The following LIMCH1 variants were observed in gnomAD, a reference collection of about 807,000 sequenced individuals.
LIMCH1 encodes the protein LIM and calponin homology domains-containing protein 1.
Under a neutral mutation model 176.5 loss-of-function variants are expected in LIMCH1, and 113 were observed. The ratio of observed to expected loss-of-function variants is 0.64; its 90% CI spans 0.55 to 0.75. The LOEUF is 0.75. Ranked by LOEUF, LIMCH1 falls within the 30% of genes least tolerant of loss-of-function variation. The pLI is 0.00. For missense variants in LIMCH1, 1,674 were observed against 1,814.9 expected (o/e 0.92, Z 1.41); for synonymous variants, 619 against 645.9 (o/e 0.96, Z 0.63).
rs1459472682 is a variant in LIMCH1 at position 41,699,861 on chromosome 4, G to A, written c.*2676G>A. The A allele has an allele frequency of 6.6e-6, 1 of 152,074 alleles. No homozygotes were observed. Among genetic ancestry groups the A allele is most frequent in the East Asian group, 1.9e-4 (1 of 5,204 alleles). The allele number at this position is 152,074 out of a possible 1,614,324, so 9.4% of individuals were successfully genotyped here. On this transcript the variant is annotated 3_prime_UTR_variant, in exon 32 of 32. Transcript: ENST00000503057. Reference sequence around the variant, plus strand: ...CTGAAATGATCCACCTCATATGTGAGTCCGTCCAAAAGATGTTACTGCTCT... The same window carrying A: ...CTGAAATGATCCACCTCATATGTGAATCCGTCCAAAAGATGTTACTGCTCT...
rs561013343 is a variant in LIMCH1, at chr4:41,372,415, G to C, written c.96+11479G>C. The stretch of plus-strand genomic sequence containing the variant: ...TAGGATACAAGGTTTTTGGCTGGCT[G>C]TCTTAGTTTGGGACATTATTCATAC... On this transcript the variant is annotated intron_variant, in intron 1 of 26. Transcript: ENST00000313860. 1.2e-4 allele frequency among the ~76,000 whole-genome samples: 18 copies of C among 152,238 alleles called. No individual in the cohort carries two copies. In the South Asian group the frequency reaches 3.5e-3, roughly 30 times the overall value.
upstream of LIMCH1, among the ~76,000 whole-genome samples, chr4:41,360,389 C>G (rs977852264): frequency 6.6e-6 from 1 of 152,014 alleles, no homozygotes; most frequent in East Asian, 1.9e-4. The surrounding 1 kb of genome is among the most constrained non-coding windows in gnomAD (Gnocchi z 4.5). Flanking sequence ...GCGCGCGTCT[C>G]CCATATGATG....
chr4:41,594,164 T>G (rs1369110612), intron 1 of LIMCH1, among the ~76,000 whole-genome samples: 2 of 152,258 alleles, frequency 1.3e-5, no homozygotes, highest in East Asian at 3.8e-4. Context: ...TAAATTAGAC[T>G]ATTACACCCT....
intron 1 of LIMCH1, among the ~76,000 whole-genome samples, chr4:41,440,472 A>G (rs1313184371): frequency 6.6e-6 from 1 of 152,164 alleles, no homozygotes; most frequent in African/African-American, 2.4e-5. Flanking sequence ...GGCCTGAGAT[A>G]TTATAATAAG....
In LIMCH1 at chr4:41,633,570, T is replaced by C. The variant is rs2093435724; in HGVS notation, c.1852T>C (p.Cys618Arg). 2 of 1,535,808 alleles carry C rather than the reference T, an allele frequency of 1.3e-6. No homozygotes were observed. Among genetic ancestry groups the C allele is most frequent in the South Asian group, 2.4e-5 (2 of 84,044 alleles). ...QPLVCPLASECEASGTEEKLE... is the reference protein window; with the variant it reads ...QPLVCPLASEREASGTEEKLE... ...TAGGGTGTGTCCTCTGGCCTCTGAG[T>C]GTGAGGCTTCAGGGACAGAAGAGAA... Residue 618 changes from cysteine (C) to arginine (R), a missense_variant, in exon 13 of 32, where the codon TGT becomes CGT. Physicochemically the swap from Cys to Arg is radical, Grantham distance 180 (BLOSUM62 -3). Transcript: ENST00000503057.
chr4:41,564,266 G>A (rs2082427779), intron 1 of LIMCH1, among the ~76,000 whole-genome samples: 1 of 152,124 alleles, frequency 6.6e-6, no homozygotes, highest in Non-Finnish European at 1.5e-5. Context: ...AATTCAGATA[G>A]CTAAATCCAG....
intron 1 of LIMCH1, among the ~76,000 whole-genome samples, chr4:41,542,346 TTC>T (rs1413695845): frequency 4.2e-5 from 6 of 144,068 alleles, no homozygotes; most frequent in African/African-American, 1.7e-4. Flanking sequence ...ACATGTGTTT[TTC>T]TCTCTTTCTT....
intron 1 of LIMCH1, among the ~76,000 whole-genome samples, chr4:41,595,634 G>C (rs1113837): frequency 0.4 from 60,443 of 152,084 alleles, 17,972 homozygotes; most frequent in African/African-American, 0.84. Flanking sequence ...AGAGTGTAAG[G>C]TATAAATGTT....
Position 41,630,636 on chromosome 4 carries a change from TG to T in LIMCH1, c.1272-511del, listed in dbSNP as rs535706341. Among the ~76,000 whole-genome samples the T allele has an allele frequency of 1.6e-3, 242 of 152,324 alleles. 1 individual carries two copies. The highest frequency in any genetic ancestry group is 5.3e-3 in the African/African-American group (219 of 41,570). On this transcript the variant is annotated intron_variant, in intron 9 of 31. Transcript: ENST00000503057. ...GACAATGATCATTTCTCCATTTGAGTGTTAATGAAAAAGCAATTTTGCTCTA... is the reference window on the plus strand; with the variant it reads ...GACAATGATCATTTCTCCATTTGAGTTTAATGAAAAAGCAATTTTGCTCTA...
At chr4:41,378,441 A>G (rs2055113466) in intron 1 of LIMCH1, among the ~76,000 whole-genome samples, 1 of 152,242 alleles carries the variant, frequency 6.6e-6, no homozygotes, top group Admixed American at 6.5e-5. Flanking sequence ...AAATAAATTA[A>G]TATACTCAGT....
intron 14 of LIMCH1, among the ~76,000 whole-genome samples, chr4:41,640,888 C>T (rs2093792373): frequency 6.6e-6 from 1 of 152,126 alleles, no homozygotes; most frequent in Non-Finnish European, 1.5e-5. Context: ...GAAATTTCCA[C>T]CTCCTAACCA....
chr4:41,361,977 T>C (rs1231937805), intron 1 of LIMCH1, among the ~76,000 whole-genome samples: 2 of 152,178 alleles, frequency 1.3e-5, no homozygotes, highest in Non-Finnish European at 2.9e-5. Context: ...CGCTAAATCA[T>C]GACCCAGCAA....
chr4:41,439,212 T>C lies in LIMCH1; in HGVS notation c.97-55324T>C, dbSNP rs957555879. On this transcript the variant is annotated intron_variant, in intron 1 of 26. Coordinates refer to the LIMCH1 transcript ENST00000313860. ...GTTCTGAAGTCAGATGGGGACATAATTGCAGTGTCCACTATAGGAAAAACA... is the reference window on the plus strand; with the variant it reads ...GTTCTGAAGTCAGATGGGGACATAACTGCAGTGTCCACTATAGGAAAAACA... 4.6e-5 allele frequency among the ~76,000 whole-genome samples: 7 copies of C among 152,178 alleles called. No individual in the cohort carries two copies. In the South Asian group the frequency reaches 6.2e-4, roughly 14 times the overall value.
intron 3 of LIMCH1, among the ~76,000 whole-genome samples, chr4:41,529,177 A>G (rs1471872671): frequency 1.3e-5 from 2 of 152,156 alleles, no homozygotes; most frequent in Non-Finnish European, 2.9e-5. Context: ...CCACATCTTG[A>G]AACTCAATTT....
At chr4:41,396,717 A>G (rs2057838791) in intron 1 of LIMCH1, among the ~76,000 whole-genome samples, 1 of 152,066 alleles carries the variant, frequency 6.6e-6, no homozygotes. Flanking sequence ...CCTGGCCAAC[A>G]TGGTGAAACC....
At position 41,470,626 on chromosome 4, in the gene LIMCH1, A is replaced by G. The variant is rs59481245; in HGVS notation, c.97-23910A>G. Among the ~76,000 whole-genome samples, 479 of 152,280 alleles carry G rather than the reference A, an allele frequency of 3.1e-3. 3 individuals are homozygous for G. Among genetic ancestry groups the G allele is most frequent in the African/African-American group, 0.011 (448 of 41,564 alleles). ...CATGTCAAGGTTACCTGTGTCTTCT[A>G]TTGCCCCAGATCCAACAGACAATTC... is the stretch of plus-strand genomic sequence containing the variant. On this transcript the variant is annotated intron_variant, in intron 1 of 26. Coordinates refer to the LIMCH1 transcript ENST00000313860.
chr4:41,634,916 C>T (rs2093502280), intron 13 of LIMCH1, among the ~76,000 whole-genome samples: 1 of 152,120 alleles, frequency 6.6e-6, no homozygotes, highest in South Asian at 2.1e-4. Flanking sequence ...TTCCAGATGC[C>T]CTGGACTTGA....
chr4:41,387,549 A>G (rs758843772), intron 1 of LIMCH1, among the ~76,000 whole-genome samples: 2 of 152,250 alleles, frequency 1.3e-5, no homozygotes, highest in East Asian at 1.9e-4. Context: ...AGGCAGAACA[A>G]TGAGCCTCCT....
intron 1 of LIMCH1, among the ~76,000 whole-genome samples, chr4:41,596,131 T>C (rs1196698406): frequency 1.3e-5 from 2 of 151,832 alleles, no homozygotes; most frequent in African/African-American, 4.9e-5. Context: ...AGCAATACTT[T>C]ATTGTACTAA....
Sources: gnomAD v4.1 joint callset for allele counts (sites outside exome capture counted in the v4.1 genomes callset) on GRCh38, gnomAD v4.1.1 for gene constraint, Gnocchi (gnomAD v3.1) non-coding constraint, MANE v1.5 for transcripts, NCBI Gene and HGNC (gene_info 2026-07-23, HGNC 2026-07-21) for gene names.